AKAP12: variants seen among roughly 807,000 people sequenced by gnomAD.
AKAP12 encodes the protein A-kinase anchoring protein 12.
A neutral mutation model predicts 79.9 loss-of-function variants in AKAP12; 32 were observed. That is an observed-to-expected ratio of 0.40 (90% CI 0.30 to 0.54). The LOEUF (loss-of-function observed/expected upper bound fraction) is 0.54. AKAP12 is among the 20% of genes least tolerant of loss of function. The pLI, the probability that AKAP12 is intolerant of heterozygous loss-of-function variation, is 0.48. For synonymous variants in AKAP12, 808 were observed against 857.0 expected (o/e 0.94, Z 1.00); for missense variants, 2,074 against 2,177.0 (o/e 0.95, Z 0.94).
In AKAP12 at chr6:151,305,734, G is replaced by A. The variant is rs775010311; in HGVS notation, c.163-13G>A. On this transcript the variant is annotated splice_polypyrimidine_tract_variant and intron_variant, in intron 2 of 4. Transcript: ENST00000402676. The stretch of plus-strand genomic sequence containing the variant: ...ACTGAAATTAAGTTTCTATGGCTTT[G>A]TCTTTTCCATAGCTCCTACAGAAGA... 10 of 1,601,124 alleles carry A rather than the reference G, an allele frequency of 6.2e-6. No individual in the cohort carries two copies. Among genetic ancestry groups the A allele is most frequent in the Non-Finnish European group, 8.5e-6 (10 of 1,174,064 alleles).
rs1778320711 is a variant in AKAP12 at position 151,352,424 on chromosome 6, A to G, written c.4033A>G (p.Lys1345Glu). 3 of 1,614,040 alleles carry G rather than the reference A, an allele frequency of 1.9e-6. No homozygotes were observed. The highest frequency in any genetic ancestry group is 2.5e-6 in the Non-Finnish European group (3 of 1,180,028). ...GATGGTAGTTCAAGTCGAAAGGGAG[A>G]AAACAGAAGCAGAGCCAACCCATGT... ...REMVVQVEREKTEAEPTHVNE... is the reference protein window; with the variant it reads ...REMVVQVEREETEAEPTHVNE... The change falls in exon 4 of 5, where the codon AAA becomes GAA. Residue 1345 changes from lysine (K) to glutamate (E), a missense_variant. Coordinates refer to ENST00000402676, the MANE Select transcript of AKAP12 (RefSeq NM_005100.4).
At chr6:151,322,071 G>A (rs1488578369) in intron 3 of AKAP12, among the ~76,000 whole-genome samples, 3 of 151,740 alleles carry the variant, frequency 2.0e-5, no homozygotes, top group East Asian at 1.9e-4. Context: ...CACCACGCCC[G>A]GCTAATTTTT....
At chr6:151,321,126 AC>A (rs1367294697) in intron 3 of AKAP12, among the ~76,000 whole-genome samples, 1 of 152,110 alleles carries the variant, frequency 6.6e-6, no homozygotes, top group Non-Finnish European at 1.5e-5. Context: ...AGCTGGGATT[AC>A]AGGCGTGCGC....
intron 3 of AKAP12, 24 bp from the exon 4 acceptor site, chr6:151,348,680 TCCCCACC>T: frequency 1.1e-5 from 4 of 355,202 alleles, no homozygotes; most frequent in East Asian, 5.8e-5. Flanking sequence ...TTTTCTCTTC[TCCCCACC>T]CCCCCGCCCC....
Position 151,349,788 on chromosome 6 carries a change from T to C in AKAP12, c.1397T>C (p.Leu466Pro). Reference sequence around the variant, plus strand: ...GAACCTGCCAAGGAGCTGGTGAAGCTCAAAGAAACGTGTGTTTCCGGAGAG... The same window carrying C: ...GAACCTGCCAAGGAGCTGGTGAAGCCCAAAGAAACGTGTGTTTCCGGAGAG... ...EAEPAKELVK[L>P]KETCVSGEDP... The change falls in exon 4 of 5, where the codon CTC (leucine) becomes CCC (proline). Residue 466 changes from leucine to proline, a missense_variant. Leu to Pro is a moderately conservative substitution (Grantham distance 98). Around this residue, in one of 3 missense-constraint regions of AKAP12, gnomAD observed 1,428 missense variants for 1,451.0 expected, o/e 0.98. Transcript: ENST00000402676. 6.2e-7 allele frequency: 1 copy of C among 1,613,888 alleles called. No homozygotes were observed. The highest frequency in any genetic ancestry group is 8.5e-7 in the Non-Finnish European group (1 of 1,179,962).
intron 2 of AKAP12, among the ~76,000 whole-genome samples, chr6:151,256,070 G>A (rs191441058): frequency 1.3e-5 from 2 of 152,322 alleles, no homozygotes; most frequent in East Asian, 3.9e-4. Context: ...TGAGTACCAG[G>A]AAAGGTGGCA....
At chr6:151,317,429 A>G (rs986261726) in intron 3 of AKAP12, among the ~76,000 whole-genome samples, 5 of 152,178 alleles carry the variant, frequency 3.3e-5, no homozygotes, top group Admixed American at 2.0e-4. Flanking sequence ...TAGGCAAAAC[A>G]TCTCCCGAGA....
At chr6:151,344,239 T>C (rs6941250) in intron 3 of AKAP12, among the ~76,000 whole-genome samples, 116,400 of 152,080 alleles carry the variant, frequency 0.77, 44,816 homozygotes, top group Admixed American at 0.8. Context: ...TTAAATGCTA[T>C]CTTAGATACT....
intron 3 of AKAP12, among the ~76,000 whole-genome samples, chr6:151,315,233 A>T (rs1450794852): frequency 2.0e-5 from 3 of 152,186 alleles, no homozygotes; most frequent in Admixed American, 6.5e-5. Context: ...TAAGCAACAG[A>T]AATTTATTAC....
At chr6:151,293,850 T>C (rs1040556516) in intron 2 of AKAP12, among the ~76,000 whole-genome samples, 7 of 152,216 alleles carry the variant, frequency 4.6e-5, no homozygotes, top group Admixed American at 4.6e-4. Context: ...CTCACATGCC[T>C]AAGGTCTGTG....
intron 2 of AKAP12, among the ~76,000 whole-genome samples, chr6:151,270,051 TC>T (rs1776149727): frequency 6.6e-6 from 1 of 152,162 alleles, no homozygotes; most frequent in Non-Finnish European, 1.5e-5. Flanking sequence ...CATCAGTACT[TC>T]CTGTTTTGTT....
At chr6:151,329,016 A>C (rs1777605151) in intron 3 of AKAP12, among the ~76,000 whole-genome samples, 1 of 152,112 alleles carries the variant, frequency 6.6e-6, no homozygotes, top group Non-Finnish European at 1.5e-5. Context: ...TCTTTCTCTC[A>C]CATCTCATTT....
chr6:151,269,670 C>T (rs1261191632), intron 2 of AKAP12, among the ~76,000 whole-genome samples: 1 of 152,192 alleles, frequency 6.6e-6, no homozygotes, highest in Non-Finnish European at 1.5e-5. Context: ...GAGATATTTT[C>T]CTAGTCTCAA....
At chr6:151,321,903 GTTTTTTTTTTT>G (rs11415941) in intron 3 of AKAP12, among the ~76,000 whole-genome samples, 177 of 67,330 alleles carry the variant, frequency 2.6e-3, no homozygotes, top group African/African-American at 0.01. Flanking sequence ...TCAGCTTTAT[GTTTTTTTTTTT>G]TTTTTTTTTT....
intron 3 of AKAP12, among the ~76,000 whole-genome samples, chr6:151,309,182 G>T (rs1047804202): frequency 2.0e-5 from 3 of 152,116 alleles, no homozygotes; most frequent in African/African-American, 7.2e-5. Context: ...GCTCGCTCAT[G>T]ATTAGGCTTT....
intron 2 of AKAP12, among the ~76,000 whole-genome samples, chr6:151,287,499 G>T (rs1776529329): frequency 6.6e-6 from 1 of 152,136 alleles, no homozygotes; most frequent in Admixed American, 6.6e-5. Flanking sequence ...GGACTCCAGC[G>T]ATCTGCCCAC....
intron 2 of AKAP12, among the ~76,000 whole-genome samples, chr6:151,295,659 T>C (rs1776709643): frequency 6.6e-6 from 1 of 152,262 alleles, no homozygotes; most frequent in Non-Finnish European, 1.5e-5. Context: ...TAAACGAATG[T>C]GACAGCATGA....
Position 151,350,708 on chromosome 6 carries a change from A to G in AKAP12, c.2317A>G (p.Lys773Glu), listed in dbSNP as rs1194839148. Reference protein sequence around the residue: ...KRLVTPRKKSKSKLEEKSEDS... With the variant: ...KRLVTPRKKSESKLEEKSEDS... Reference sequence around the variant, plus strand: ...GTTAGTCACGCCAAGAAAAAAATCAAAGTCCAAGCTGGAAGAGAAAAGCGA... The same window carrying G: ...GTTAGTCACGCCAAGAAAAAAATCAGAGTCCAAGCTGGAAGAGAAAAGCGA... The change falls in exon 4 of 5, where the codon AAG becomes GAG. Residue 773 changes from lysine to glutamate, a missense_variant. Transcript: ENST00000402676. This position sits in a 1 kb window ranked among gnomAD's most constrained non-coding sequence, Gnocchi z 4.8. 3.7e-6 allele frequency: 6 copies of G among 1,613,692 alleles called. No individual in the cohort carries two copies. Among genetic ancestry groups the G allele is most frequent in the Admixed American group, 3.3e-5 (2 of 59,894 alleles).
chr6:151,325,633 G>C, intron 3 of AKAP12: 1 of 1,383,994 alleles, frequency 7.2e-7, no homozygotes, highest in South Asian at 1.6e-5. Flanking sequence ...GGGCGTGGGT[G>C]GGGGTCCGCC....
Sources: gnomAD v4.1 joint callset for allele counts (sites outside exome capture counted in the v4.1 genomes callset) on GRCh38, gnomAD v4.1.1 for gene constraint, gnomAD v4.1.1 regional missense constraint, Gnocchi (gnomAD v3.1) non-coding constraint, MANE v1.5 for transcripts, NCBI Gene and HGNC (gene_info 2026-07-23, HGNC 2026-07-21) for gene names.